The following C10orf67 variants were observed in gnomAD, a reference collection of about 807,000 sequenced individuals.
C10orf67 encodes uncharacterized protein C10orf67, mitochondrial.
C10orf67 carries 60 observed loss-of-function variants against 35.6 expected under a neutral mutation model. The observed-to-expected ratio is 1.68, with a 90% CI of 1.37 to 2.09. The LOEUF (loss-of-function observed/expected upper bound fraction) is 2.09. Ranked by LOEUF, C10orf67 falls within the 30% of genes most tolerant of loss-of-function variation. The probability of loss-of-function intolerance (pLI) is 0.00; values close to 1 mark genes in which losing one functional copy is unlikely to be tolerated. For synonymous variants in C10orf67, 167 were observed against 115.8 expected (o/e 1.44, Z -2.84); for missense variants, 474 against 330.2 (o/e 1.44, Z -3.38).
At chr10:23,213,256 G>A (rs192082372) in intron 15 of C10orf67, among the ~76,000 whole-genome samples, 6 of 152,304 alleles carry the variant, frequency 3.9e-5, no homozygotes, top group Non-Finnish European at 7.4e-5. Flanking sequence ...AAGAGATTGA[G>A]AGGTGCTCCA....
chr10:23,247,269 A>G (rs1417609197), intron 12 of C10orf67, among the ~76,000 whole-genome samples: 2 of 152,082 alleles, frequency 1.3e-5, no homozygotes, highest in Non-Finnish European at 2.9e-5. Context: ...TGCTCCATTC[A>G]TGGTAAGTGC....
At chr10:23,267,449 T>C (rs1259647720) in intron 8 of C10orf67, among the ~76,000 whole-genome samples, 195 bp from the exon 9 acceptor site, 1 of 152,088 alleles carries the variant, frequency 6.6e-6, no homozygotes, top group African/African-American at 2.4e-5. Context: ...ATTAAAAAAG[T>C]GAACAGGAAT....
rs1192584513 is a variant in C10orf67 at position 23,202,997 on chromosome 10, C to G, written c.*1176G>C. 1 of 152,234 alleles carries G rather than the reference C, an allele frequency of 6.6e-6. No homozygotes were observed. The highest frequency in any genetic ancestry group is 1.5e-5 in the Non-Finnish European group (1 of 68,044). The allele number at this position is 152,234 out of a possible 1,614,324, so 9.4% of individuals were successfully genotyped here. Reference sequence around the variant, plus strand: ...GGTGAAACTCTGCTGGAAACCAACTCACCAGCAATTGCCATTAATCTACTT... The same window carrying G: ...GGTGAAACTCTGCTGGAAACCAACTGACCAGCAATTGCCATTAATCTACTT... On this transcript the variant is annotated 3_prime_UTR_variant, in exon 16 of 16. Coordinates refer to ENST00000636213, the MANE Select transcript of C10orf67 (RefSeq NM_001371909.1).
chr10:23,244,448 T>G (rs925152482), intron 12 of C10orf67, among the ~76,000 whole-genome samples: 2 of 151,984 alleles, frequency 1.3e-5, no homozygotes, highest in Admixed American at 1.3e-4. Flanking sequence ...GGAAACAAGA[T>G]AAAAGCAAAA....
In C10orf67 at chr10:23,237,246, T is replaced by C. The variant is rs4747454; in HGVS notation, c.1434+2483A>G. 0.059 allele frequency among the ~76,000 whole-genome samples: 8,916 copies of C among 152,262 alleles called. 1,170 individuals are homozygous for C. In the East Asian group the frequency reaches 0.6, roughly 10 times the overall value. Reference sequence around the variant, plus strand: ...TTTTTTATGGCTGCGTCATATTCCATGGTGTATATGTACCACATTTTCTTT... The same window carrying C: ...TTTTTTATGGCTGCGTCATATTCCACGGTGTATATGTACCACATTTTCTTT... On this transcript the variant is annotated intron_variant, in intron 13 of 15. Transcript: ENST00000636213.
intron 12 of C10orf67, among the ~76,000 whole-genome samples, chr10:23,249,467 G>C (rs571632641): frequency 6.6e-6 from 1 of 152,142 alleles, no homozygotes; most frequent in Non-Finnish European, 1.5e-5. Context: ...ACGAAACACG[G>C]GTAGGAGATC....
intron 1 of C10orf67, 23 bp from the exon 2 acceptor site, chr10:23,333,205 G>A (rs1845549656): frequency 6.4e-7 from 1 of 1,569,452 alleles, no homozygotes; most frequent in Non-Finnish European, 8.7e-7. Context: ...GAAATGAAAT[G>A]TGCTTTAAGT....
chr10:23,344,353 GA>G (rs1471833476), intron 1 of C10orf67: 17 of 591,164 alleles, frequency 2.9e-5, no homozygotes, highest in African/African-American at 2.7e-4. Flanking sequence ...GGGGAGTGGA[GA>G]GGGGGAGGAG....
intron 15 of C10orf67, among the ~76,000 whole-genome samples, chr10:23,221,329 A>G (rs1247401587): frequency 6.6e-6 from 1 of 152,190 alleles, no homozygotes; most frequent in Non-Finnish European, 1.5e-5. Flanking sequence ...ATCAGCCCCT[A>G]TAATCCAATC....
intron 1 of C10orf67, among the ~76,000 whole-genome samples, chr10:23,342,252 T>C (rs1845924758): frequency 6.7e-6 from 1 of 150,174 alleles, no homozygotes; most frequent in Non-Finnish European, 1.5e-5. Context: ...TCTCACACAC[T>C]TACTCACTTT....
intron 5 of C10orf67, among the ~76,000 whole-genome samples, chr10:23,297,991 C>A (rs1843946343): frequency 6.6e-6 from 1 of 152,146 alleles, no homozygotes; most frequent in Non-Finnish European, 1.5e-5. Flanking sequence ...CATGTTGGCT[C>A]ACGCCTATAA....
At chr10:23,280,731 C>G (rs1843342762) in intron 8 of C10orf67, among the ~76,000 whole-genome samples, 1 of 152,158 alleles carries the variant, frequency 6.6e-6, no homozygotes, top group Admixed American at 6.5e-5. Context: ...AATACAATAG[C>G]ACCCGTTAAA....
At chr10:23,329,496 A>C (rs1053811934) in intron 2 of C10orf67, among the ~76,000 whole-genome samples, 5 of 152,320 alleles carry the variant, frequency 3.3e-5, no homozygotes, top group Middle Eastern at 6.8e-3. Flanking sequence ...TCTTATGTGA[A>C]GTATTCCAGA....
chr10:23,221,144 C>T (rs574805018), intron 15 of C10orf67, among the ~76,000 whole-genome samples: 31 of 152,116 alleles, frequency 2.0e-4, no homozygotes, highest in Non-Finnish European at 3.8e-4. Flanking sequence ...ACAGGCTTAA[C>T]AGGACGCATG....
intron 1 of C10orf67, among the ~76,000 whole-genome samples, chr10:23,334,837 C>T (rs773175180): frequency 1.3e-5 from 2 of 152,224 alleles, no homozygotes; most frequent in Non-Finnish European, 2.9e-5. Flanking sequence ...AGAACTGGCA[C>T]AGTCACTAGG....
At chr10:23,343,190 A>G (rs1845974970) in intron 1 of C10orf67, among the ~76,000 whole-genome samples, 1 of 152,180 alleles carries the variant, frequency 6.6e-6, no homozygotes. Flanking sequence ...CTGAAAATTC[A>G]TGTTGAAATC....
chr10:23,226,545 C>T (rs1305668691), intron 13 of C10orf67, among the ~76,000 whole-genome samples: 2 of 152,110 alleles, frequency 1.3e-5, no homozygotes, highest in South Asian at 2.1e-4. Flanking sequence ...GAAACAAGAG[C>T]AAATACATTC....
chr10:23,327,007 A>C (rs1845226921), intron 2 of C10orf67, among the ~76,000 whole-genome samples: 1 of 152,186 alleles, frequency 6.6e-6, no homozygotes, highest in African/African-American at 2.4e-5. Context: ...ACAGAAGGAC[A>C]CAATTAGAGA....
chr10:23,223,593 C>A lies in C10orf67; in HGVS notation c.1570+5G>T. On this transcript the variant is annotated splice_donor_5th_base_variant and intron_variant, in intron 15 of 15. Coordinates refer to ENST00000636213, the MANE Select transcript of C10orf67 (RefSeq NM_001371909.1). The stretch of plus-strand genomic sequence containing the variant: ...AACCTCATTTCCAACAATAATGATT[C>A]TTACCTTTTGGTGAAAGTTGAAGGG... The A allele has an allele frequency of 1.4e-6, 1 of 717,376 alleles. No individual in the cohort carries two copies. 44.4% of individuals were successfully genotyped at this position (717,376 alleles called of 1,614,324 possible).
Sources: gnomAD v4.1 joint callset for allele counts (sites outside exome capture counted in the v4.1 genomes callset) on GRCh38, gnomAD v4.1.1 for gene constraint, MANE v1.5 for transcripts, NCBI Gene and HGNC (gene_info 2026-07-23, HGNC 2026-07-21) for gene names.